The following ULK4 variants were observed in gnomAD, a reference collection of about 807,000 sequenced individuals.
ULK4 encodes unc-51 like kinase 4, also known as inactive serine/threonine-protein kinase ULK4.
A neutral mutation model predicts 160.6 loss-of-function variants in ULK4; 133 were observed. The ratio of observed to expected loss-of-function variants is 0.83; its 90% confidence interval spans 0.72 to 0.96. The LOEUF (loss-of-function observed/expected upper bound fraction) is 0.96. Among genes scored for constraint, ULK4 ranks in the 40% least tolerant of loss-of-function variants. ULK4 has a pLI of 0.00. For synonymous variants in ULK4, 534 were observed against 539.8 expected (o/e 0.99, Z 0.15); for missense variants, 1,580 against 1,499.5 (o/e 1.05, Z -0.89).
chr3:41,835,845 G>A lies in ULK4; in HGVS notation c.1764+19C>T. 1 of 1,523,342 alleles carries A rather than the reference G, an allele frequency of 6.6e-7. No individual in the cohort carries two copies. Among genetic ancestry groups the A allele is most frequent in the Non-Finnish European group, 9.0e-7 (1 of 1,105,796 alleles). The allele number at this position is 1,523,342 out of a possible 1,614,324, so 94.4% of individuals were successfully genotyped here. ...TCAGAACATGTCAAACAGCAACAGA[G>A]TTAATCAGACAGTCTCACCTGGGTG... is the stretch of plus-strand genomic sequence containing the variant. On this transcript the variant is annotated intron_variant, in intron 18 of 36. Coordinates refer to ENST00000301831, the MANE Select transcript of ULK4 (RefSeq NM_017886.4).
chr3:41,268,935 T>C (rs2079092711), intron 35 of ULK4, among the ~76,000 whole-genome samples: 1 of 151,694 alleles, frequency 6.6e-6, no homozygotes, highest in Admixed American at 6.6e-5. Flanking sequence ...AGCCTTCAGA[T>C]GCAGCTCGCG....
chr3:41,807,546 T>TC (rs1361113491), intron 19 of ULK4, among the ~76,000 whole-genome samples: 1 of 152,190 alleles, frequency 6.6e-6, no homozygotes, highest in African/African-American at 2.4e-5. Context: ...TGCCCCAGCT[T>TC]CATTATCTAC....
chr3:41,353,715 T>C (rs907729964), intron 35 of ULK4, among the ~76,000 whole-genome samples: 6 of 134,318 alleles, frequency 4.5e-5, no homozygotes, highest in African/African-American at 1.7e-4. Context: ...CTACTACTAC[T>C]ACTACTACTA....
At chr3:41,773,482 G>A (rs886403135) in intron 21 of ULK4, among the ~76,000 whole-genome samples, 36 of 152,140 alleles carry the variant, frequency 2.4e-4, no homozygotes, top group Admixed American at 7.2e-4. Context: ...TTGCTTCAAA[G>A]AGAATAAAAT....
At chr3:41,877,257 A>G (rs1173319513) in intron 17 of ULK4, among the ~76,000 whole-genome samples, 13 of 152,268 alleles carry the variant, frequency 8.5e-5, no homozygotes, top group African/African-American at 3.1e-4. Context: ...GTTGTTAGTA[A>G]CAATACGTGT....
intron 34 of ULK4, among the ~76,000 whole-genome samples, chr3:41,422,772 T>TCTATGGTAACTAG (rs2082690369): frequency 6.6e-6 from 1 of 152,194 alleles, no homozygotes; most frequent in African/African-American, 2.4e-5. Flanking sequence ...TTTGAGAAGT[T>TCTATGGTAACTAG]ATATGGTAAC....
At chr3:41,321,792 G>A (rs535046491) in intron 35 of ULK4, among the ~76,000 whole-genome samples, 3 of 144,056 alleles carry the variant, frequency 2.1e-5, no homozygotes, top group Admixed American at 7.1e-5. Flanking sequence ...GTGAGCATGC[G>A]TACCACTTTA....
At chr3:41,573,323 G>A (rs911424977) in intron 31 of ULK4, among the ~76,000 whole-genome samples, 2 of 144,154 alleles carry the variant, frequency 1.4e-5, no homozygotes, top group African/African-American at 5.4e-5. Context: ...GCACAGCAAG[G>A]AAACACTCGT....
At chr3:41,543,633 T>G (rs921282116) in intron 32 of ULK4, among the ~76,000 whole-genome samples, 6 of 152,196 alleles carry the variant, frequency 3.9e-5, no homozygotes, top group Non-Finnish European at 7.4e-5. Context: ...TATTTCTTAT[T>G]CAGTCAGTTT....
intron 19 of ULK4, among the ~76,000 whole-genome samples, chr3:41,819,010 C>T (rs2041055683): frequency 6.6e-6 from 1 of 152,190 alleles, no homozygotes; most frequent in South Asian, 2.1e-4. Context: ...CTAGAAGCTT[C>T]CCTGTCTCTA....
intron 27 of ULK4, among the ~76,000 whole-genome samples, chr3:41,703,846 A>ACG (rs1174759899): frequency 7.0e-6 from 1 of 143,840 alleles, no homozygotes; most frequent in African/African-American, 2.5e-5. Context: ...ACACACACAC[A>ACG]CACACACACA....
chr3:41,503,569 C>G (rs1413273337), intron 32 of ULK4, among the ~76,000 whole-genome samples: 1 of 152,242 alleles, frequency 6.6e-6, no homozygotes, highest in Non-Finnish European at 1.5e-5. Context: ...AGATTTCCAT[C>G]TGCAGATGCC....
intron 27 of ULK4, among the ~76,000 whole-genome samples, chr3:41,683,757 G>A (rs1248184111): frequency 6.6e-6 from 1 of 151,918 alleles, no homozygotes; most frequent in Non-Finnish European, 1.5e-5. Flanking sequence ...CACCCACGCA[G>A]CATAGGCAAA....
chr3:41,781,446 C>T (rs1169913024), intron 21 of ULK4, among the ~76,000 whole-genome samples: 24 of 150,618 alleles, frequency 1.6e-4, no homozygotes, highest in Admixed American at 6.6e-4. Flanking sequence ...TGAACTCTGA[C>T]TGGATTTGTG....
intron 32 of ULK4, among the ~76,000 whole-genome samples, chr3:41,510,712 A>C (rs1476158267): frequency 6.6e-6 from 1 of 152,240 alleles, no homozygotes; most frequent in Admixed American, 6.5e-5. Context: ...TGGTTATTAA[A>C]TAATCTGCTC....
At chr3:41,956,025 T>C (rs565263923) in intron 1 of ULK4, among the ~76,000 whole-genome samples, 1 of 152,158 alleles carries the variant, frequency 6.6e-6, no homozygotes, top group South Asian at 2.1e-4. Flanking sequence ...TGTAACTAAA[T>C]TGAAAGGAAA....
At position 41,249,527 on chromosome 3, in the gene ULK4, G is replaced by C; in HGVS notation, c.3726C>G (p.Ser1242Arg). 1 of 1,614,112 alleles carries C rather than the reference G, an allele frequency of 6.2e-7. No homozygotes were observed. Among genetic ancestry groups the C allele is most frequent in the Non-Finnish European group, 8.5e-7 (1 of 1,179,998 alleles). The change falls in exon 36 of 37, where the codon AGC (serine) becomes AGG (arginine). Residue 1242 changes from serine (S) to arginine (R), a missense_variant. Physicochemically the swap from Ser to Arg is moderately radical, Grantham distance 110 (BLOSUM62 -1). Coordinates refer to ENST00000301831, the MANE Select transcript of ULK4 (RefSeq NM_017886.4). Reference protein sequence around the residue: ...KHLESLKNAGSLLRALERLAP... With the variant: ...KHLESLKNAGRLLRALERLAP... ...CCAGCCGCTCCAGAGCCCGCAGGAG[G>C]CTGCCTGCATTCTTGAGGCTCTCCA... is the stretch of plus-strand genomic sequence containing the variant.
intron 31 of ULK4, among the ~76,000 whole-genome samples, chr3:41,567,443 A>AT (rs71288055): frequency 0.12 from 11,215 of 90,278 alleles, 1,103 homozygotes; most frequent in East Asian, 0.23. Flanking sequence ...CACTTAACAG[A>AT]TTTTTTTTTT....
intron 11 of ULK4, 67 bp downstream of exon 11, chr3:41,911,250 A>G: frequency 6.8e-7 from 1 of 1,480,122 alleles, no homozygotes; most frequent in Non-Finnish European, 9.4e-7. Context: ...TTGCACCAAG[A>G]TAGCAGATGC....
Sources: gnomAD v4.1 joint callset for allele counts (sites outside exome capture counted in the v4.1 genomes callset) on GRCh38, gnomAD v4.1.1 for gene constraint, MANE v1.5 for transcripts, NCBI Gene and HGNC (gene_info 2026-07-23, HGNC 2026-07-21) for gene names.